The following RUNX1 variants were observed in gnomAD, a reference collection of about 807,000 sequenced individuals.
RUNX1 encodes the protein RUNX family transcription factor 1.
Under a neutral mutation model 42.8 loss-of-function variants are expected in RUNX1, and 19 were observed. The ratio of observed to expected loss-of-function variants is 0.44; its 90% CI spans 0.31 to 0.65. RUNX1 has a LOEUF of 0.65. RUNX1 is among the 30% of genes least tolerant of loss of function. RUNX1 has a pLI of 0.07. For synonymous variants in RUNX1, 271 were observed against 289.4 expected, an observed-to-expected ratio of 0.94 and a Z score of 0.64; for missense variants, 528 against 672.0, an observed-to-expected ratio of 0.79 and a Z score of 2.37.
chr21:34,887,715 T>C (rs867274869), intron 3 of RUNX1: 6 of 1,059,834 alleles, frequency 5.7e-6, no homozygotes, highest in South Asian at 4.5e-5. Context: ...TATATACATA[T>C]GCTCTACTTC....
chr21:35,010,936 G>C (rs1410266197), intron 2 of RUNX1, among the ~76,000 whole-genome samples: 2 of 152,162 alleles, frequency 1.3e-5, no homozygotes, highest in East Asian at 1.9e-4. Flanking sequence ...AGAATGATGT[G>C]AACATCACAG....
At chr21:34,897,951 C>A (rs112300691) in intron 2 of RUNX1, among the ~76,000 whole-genome samples, 28 of 152,094 alleles carry the variant, frequency 1.8e-4, no homozygotes, top group African/African-American at 6.5e-4. Flanking sequence ...TTCCTGGTAG[C>A]CCTAATCTAA....
At chr21:34,902,314 C>T (rs182775421) in intron 2 of RUNX1, among the ~76,000 whole-genome samples, 49 of 152,258 alleles carry the variant, frequency 3.2e-4, no homozygotes, top group East Asian at 1.4e-3. Context: ...CTTGATAAGA[C>T]GACCCTTGGT....
At chr21:34,853,321 A>G (rs568570668) in intron 6 of RUNX1, among the ~76,000 whole-genome samples, 5 of 149,524 alleles carry the variant, frequency 3.3e-5, no homozygotes, top group African/African-American at 5.1e-5. Context: ...CTGTCAGTAC[A>G]AAAAAAATGA....
intron 8 of RUNX1, among the ~76,000 whole-genome samples, chr21:34,797,558 G>A (rs1318649696): frequency 6.6e-6 from 1 of 152,220 alleles, no homozygotes; most frequent in African/African-American, 2.4e-5. Context: ...ATTATTTCAG[G>A]TGAAGACCGT....
chr21:34,902,498 T>A (rs1366861060), intron 2 of RUNX1, among the ~76,000 whole-genome samples: 1 of 152,178 alleles, frequency 6.6e-6, no homozygotes, highest in African/African-American at 2.4e-5. Flanking sequence ...AAGACATAAA[T>A]ACATATATAT....
intron 2 of RUNX1, among the ~76,000 whole-genome samples, chr21:34,951,254 T>G (rs2058605044): frequency 2.0e-5 from 3 of 152,252 alleles, no homozygotes; most frequent in Admixed American, 2.0e-4. Context: ...GTGGCCCCTG[T>G]CACTCAAACT....
chr21:34,949,593 C>T (rs1214766161), intron 2 of RUNX1, among the ~76,000 whole-genome samples: 1 of 152,162 alleles, frequency 6.6e-6, no homozygotes, highest in African/African-American at 2.4e-5. Context: ...ATTGGCCTCC[C>T]CTAGGTGTAC....
intron 7 of RUNX1, among the ~76,000 whole-genome samples, chr21:34,828,474 A>G (rs562936681): frequency 6.6e-6 from 1 of 152,332 alleles, no homozygotes; most frequent in Non-Finnish European, 1.5e-5. Flanking sequence ...TCGACTTTTG[A>G]GTTAATGCTG....
chr21:34,973,325 G>T (rs78265346), intron 2 of RUNX1, among the ~76,000 whole-genome samples: 2 of 152,232 alleles, frequency 1.3e-5, no homozygotes, highest in Admixed American at 1.3e-4. Context: ...ACAAATTTTT[G>T]TCTGTGAATG....
intron 2 of RUNX1, among the ~76,000 whole-genome samples, chr21:35,047,088 C>G (rs1251658705): frequency 1.3e-5 from 2 of 152,132 alleles, no homozygotes; most frequent in Non-Finnish European, 2.9e-5. Flanking sequence ...CAGGGGCCAG[C>G]ACTGCACACT....
chr21:34,891,991 T>C (rs186460092), intron 3 of RUNX1, among the ~76,000 whole-genome samples: 1 of 152,316 alleles, frequency 6.6e-6, no homozygotes, highest in East Asian at 1.9e-4. Context: ...ACCTTTTTGC[T>C]CTTTCAAAAG....
intron 2 of RUNX1, among the ~76,000 whole-genome samples, chr21:34,975,628 G>A (rs2058796097): frequency 6.6e-6 from 1 of 152,132 alleles, no homozygotes; most frequent in Non-Finnish European, 1.5e-5. Context: ...AGTGTGTGGT[G>A]GAAAGTGCTA....
At chr21:34,811,547 A>G (rs907823670) in intron 7 of RUNX1, among the ~76,000 whole-genome samples, 2 of 152,132 alleles carry the variant, frequency 1.3e-5, no homozygotes, top group African/African-American at 4.8e-5. Flanking sequence ...ACTCTATGTG[A>G]TTCCCTGGCT....
At chr21:35,012,248 C>T (rs1032544065) in intron 2 of RUNX1, among the ~76,000 whole-genome samples, 3 of 152,130 alleles carry the variant, frequency 2.0e-5, no homozygotes, top group African/African-American at 7.2e-5. Flanking sequence ...GATGAAATTT[C>T]CAAGACCTTC....
intron 2 of RUNX1, among the ~76,000 whole-genome samples, chr21:35,010,652 C>G (rs996697319): frequency 1.2e-4 from 18 of 151,724 alleles, no homozygotes; most frequent in African/African-American, 4.4e-4. Flanking sequence ...CACACACACA[C>G]TCATTCACAA....
chr21:35,004,791 C>T (rs903567071), intron 2 of RUNX1, among the ~76,000 whole-genome samples: 5 of 152,174 alleles, frequency 3.3e-5, no homozygotes, highest in Admixed American at 6.5e-5. Flanking sequence ...TCAGACCTTC[C>T]CTTGTTGTCT....
intron 2 of RUNX1, among the ~76,000 whole-genome samples, chr21:34,910,941 T>G (rs1053669621): frequency 2.6e-5 from 4 of 152,126 alleles, no homozygotes; most frequent in Non-Finnish European, 4.4e-5. Context: ...CCACTAATTT[T>G]TAAACATTTT....
intron 2 of RUNX1, among the ~76,000 whole-genome samples, chr21:34,997,769 G>A (rs2059008035): frequency 6.6e-6 from 1 of 152,216 alleles, no homozygotes; most frequent in African/African-American, 2.4e-5. Flanking sequence ...GCTTAGTGCA[G>A]AAGGGGCCTT....
Sources: allele counts gnomAD v4.1 joint callset (sites outside exome capture counted in the v4.1 genomes callset), GRCh38; gene constraint gnomAD v4.1.1; transcripts MANE v1.5; gene names NCBI Gene and HGNC (gene_info 2026-07-23, HGNC 2026-07-21).